Variants in ZNF536 observed in about 807,000 individuals in gnomAD.
ZNF536 encodes the protein zinc finger protein 536.
A neutral mutation model predicts 84.5 loss-of-function variants in ZNF536; 13 were observed. The observed-to-expected ratio is 0.15, with a 90% confidence interval of 0.10 to 0.24. ZNF536 has a LOEUF of 0.24. ZNF536 is among the 10% of genes least tolerant of loss of function. The probability of loss-of-function intolerance (pLI) is 1.00; values close to 1 mark genes in which losing one functional copy is unlikely to be tolerated. For missense variants in ZNF536, 1,536 were observed against 1,747.5 expected (o/e 0.88, Z 2.16); for synonymous variants, 811 against 742.5 (o/e 1.09, Z -1.50).
chr19:30,711,666 G>A (rs974580285), exon 2 of ZNF536: 5 of 152,128 alleles, frequency 3.3e-5, no homozygotes, highest in Admixed American at 3.3e-4. Flanking sequence ...TGAAATCAAT[G>A]ATCAGGAAGT....
chr19:30,534,623 A>G (rs1482722060), intron 2 of ZNF536, among the ~76,000 whole-genome samples: 2 of 152,254 alleles, frequency 1.3e-5, no homozygotes, highest in East Asian at 1.9e-4. Flanking sequence ...ATTCAGTTCA[A>G]TATAAAGGTA....
intron 2 of ZNF536, among the ~76,000 whole-genome samples, chr19:30,306,616 G>T (rs1203053495): frequency 6.6e-6 from 1 of 152,182 alleles, no homozygotes; most frequent in Non-Finnish European, 1.5e-5. Context: ...TTGAAAAGTT[G>T]GTTATAAGTT....
intron 1 of ZNF536, among the ~76,000 whole-genome samples, chr19:30,586,583 C>T (rs561817283): frequency 8.6e-4 from 131 of 152,258 alleles, no homozygotes; most frequent in African/African-American, 2.8e-3. Flanking sequence ...CCACTATTGA[C>T]TATCATTTTT....
At chr19:30,407,685 T>C (rs1421495727) in intron 1 of ZNF536, among the ~76,000 whole-genome samples, 1 of 152,244 alleles carries the variant, frequency 6.6e-6, no homozygotes, top group Non-Finnish European at 1.5e-5. Flanking sequence ...TTTCAGGCCC[T>C]TATGCATATA....
At chr19:30,477,783 A>T (rs2053911795) in intron 2 of ZNF536, among the ~76,000 whole-genome samples, 1 of 152,150 alleles carries the variant, frequency 6.6e-6, no homozygotes, top group African/African-American at 2.4e-5. Context: ...TGAAGTGGAG[A>T]TTTCTTGGTA....
chr19:30,649,351 C>T (rs75654317), intron 1 of ZNF536, among the ~76,000 whole-genome samples: 5 of 152,140 alleles, frequency 3.3e-5, no homozygotes, highest in African/African-American at 4.8e-5. Context: ...TCATATGGCT[C>T]TTAACAGGGG....
intron 3 of ZNF536, among the ~76,000 whole-genome samples, chr19:30,357,259 G>T (rs1035974831): frequency 2.0e-5 from 3 of 152,206 alleles, no homozygotes; most frequent in Non-Finnish European, 4.4e-5. Flanking sequence ...GACATGGAGG[G>T]GCCAGAGCAG....
At chr19:30,614,439 G>T (rs2048209558) in intron 1 of ZNF536, among the ~76,000 whole-genome samples, 1 of 150,886 alleles carries the variant, frequency 6.6e-6, no homozygotes, top group African/African-American at 2.4e-5. Context: ...TTAAAGGAAG[G>T]GCAGTGGGGA....
At chr19:30,286,178 C>A (rs1204722837) in intron 2 of ZNF536, among the ~76,000 whole-genome samples, 1 of 152,192 alleles carries the variant, frequency 6.6e-6, no homozygotes, top group Non-Finnish European at 1.5e-5. Flanking sequence ...TGATAACATT[C>A]CACCTTTTCA....
At position 30,595,626 on chromosome 19, in the gene ZNF536, G is replaced by A. The variant is rs140005579; in HGVS notation, c.169+46112G>A. Among the ~76,000 whole-genome samples the A allele has an allele frequency of 2.0e-3, 300 of 152,216 alleles. 1 individual carries two copies. In the Middle Eastern group the frequency reaches 0.034, roughly 17 times the overall value. ...CTTGAACTGTGGTTATTTGTACCTC[G>A]AACTGCTCTCCCACCCAAACCACCA... On this transcript the variant is annotated intron_variant, in intron 1 of 1. Coordinates refer to the ZNF536 transcript ENST00000592773.
At chr19:30,419,313 A>G (rs2050858623) in intron 1 of ZNF536, among the ~76,000 whole-genome samples, 1 of 152,132 alleles carries the variant, frequency 6.6e-6, no homozygotes, top group Admixed American at 6.5e-5. Context: ...TATAAATAGC[A>G]TTTCCGTACA....
intron 2 of ZNF536, among the ~76,000 whole-genome samples, chr19:30,486,757 G>A (rs1050539911): frequency 6.6e-6 from 1 of 152,172 alleles, no homozygotes; most frequent in Non-Finnish European, 1.5e-5. Context: ...AGCCTTGACA[G>A]CATCTGTTGT....
intron 1 of ZNF536, among the ~76,000 whole-genome samples, chr19:30,702,149 TC>T (rs922586580): frequency 2.6e-5 from 4 of 152,088 alleles, no homozygotes; most frequent in Admixed American, 2.6e-4. Flanking sequence ...CATTTTCTAC[TC>T]CCCCTTAGGT....
At chr19:30,366,486 A>G (rs1412208808) in intron 3 of ZNF536, among the ~76,000 whole-genome samples, 1 of 141,532 alleles carries the variant, frequency 7.1e-6, no homozygotes, top group East Asian at 2.0e-4. Flanking sequence ...TTCTCTCTAG[A>G]TCTATCATCT....
chr19:30,559,179 G>T (rs2046069917), downstream of ZNF536, among the ~76,000 whole-genome samples: 2 of 152,238 alleles, frequency 1.3e-5, no homozygotes, highest in Admixed American at 6.5e-5. Context: ...TGTGAAGAAG[G>T]TTGTCAGATT....
chr19:30,273,046 G>A (rs1482237131), intron 1 of ZNF536, among the ~76,000 whole-genome samples: 6 of 152,120 alleles, frequency 3.9e-5, no homozygotes, highest in African/African-American at 1.4e-4. Context: ...TTGACTGCAG[G>A]TATGCACCAC....
chr19:30,623,119 ACCCTTCTTTTTGT>A (rs1393412620), intron 1 of ZNF536, among the ~76,000 whole-genome samples: 2 of 141,048 alleles, frequency 1.4e-5, no homozygotes, highest in African/African-American at 5.4e-5. Context: ...GTCATTCTTG[ACCCTTCTTTTTGT>A]CTCCTACCCC....
At chr19:30,311,596 T>G (rs1014845341) in intron 2 of ZNF536, among the ~76,000 whole-genome samples, 1 of 152,166 alleles carries the variant, frequency 6.6e-6, no homozygotes, top group Non-Finnish European at 1.5e-5. Flanking sequence ...ATATTTTCAT[T>G]GAAGCAGCTT....
At chr19:30,526,682 C>T (rs999907530) in intron 2 of ZNF536, among the ~76,000 whole-genome samples, 1 of 118,064 alleles carries the variant, frequency 8.5e-6, no homozygotes, top group Non-Finnish European at 2.1e-5. Context: ...CGAGATTGCG[C>T]CACTGCACTC....
Sources: gnomAD v4.1 joint callset for allele counts (sites outside exome capture counted in the v4.1 genomes callset) on GRCh38, gnomAD v4.1.1 for gene constraint, MANE v1.5 for transcripts, NCBI Gene and HGNC (gene_info 2026-07-23, HGNC 2026-07-21) for gene names.